The following INO80 variants were observed in gnomAD, a reference collection of about 807,000 sequenced individuals.
INO80 encodes the protein chromatin-remodeling ATPase INO80.
Under a neutral mutation model 203.4 loss-of-function variants are expected in INO80, and 20 were observed. The ratio of observed to expected loss-of-function variants is 0.10; its 90% CI spans 0.07 to 0.14. INO80 has a LOEUF of 0.14. Among genes scored for constraint, INO80 ranks in the 10% least tolerant of loss-of-function variants. INO80 has a pLI of 1.00. For missense variants in INO80, 1,419 were observed against 1,914.4 expected (o/e 0.74, Z 4.83); for synonymous variants, 726 against 685.2 (o/e 1.06, Z -0.93).
chr15:41,080,745 G>T (rs964433568), intron 8 of INO80, among the ~76,000 whole-genome samples: 4 of 152,096 alleles, frequency 2.6e-5, no homozygotes, highest in Non-Finnish European at 4.4e-5. Flanking sequence ...CCAGCTACTC[G>T]GGAGGCTGAG....
intron 17 of INO80, 136 bp downstream of exon 17, chr15:41,056,486 G>A: frequency 1.5e-6 from 1 of 660,912 alleles, no homozygotes; most frequent in Admixed American, 2.6e-5. Flanking sequence ...AGACGACTTG[G>A]GGCAAGTCTT....
At chr15:41,089,982 T>C (rs983125818) in intron 5 of INO80, among the ~76,000 whole-genome samples, 7 of 152,194 alleles carry the variant, frequency 4.6e-5, no homozygotes, top group African/African-American at 1.7e-4. Context: ...GTTAAGTATA[T>C]AATGAAGAGA....
intron 19 of INO80, among the ~76,000 whole-genome samples, chr15:41,052,563 C>G (rs928450997): frequency 6.6e-6 from 1 of 150,646 alleles, no homozygotes; most frequent in Non-Finnish European, 1.5e-5. Context: ...GACCCAGCTA[C>G]TAGGGAAGCT....
At chr15:41,009,078 C>T (rs531271532) in intron 27 of INO80, among the ~76,000 whole-genome samples, 118 of 152,304 alleles carry the variant, frequency 7.7e-4, no homozygotes, top group African/African-American at 2.8e-3. Context: ...GTGATACATG[C>T]GCCTTGGCTT....
At chr15:41,006,921 C>T (rs1414858127) in intron 27 of INO80, among the ~76,000 whole-genome samples, 3 of 152,022 alleles carry the variant, frequency 2.0e-5, no homozygotes, top group African/African-American at 7.3e-5. Context: ...ATTGCTATAT[C>T]GTAGGACTGA....
intron 27 of INO80, among the ~76,000 whole-genome samples, chr15:41,007,779 AC>A (rs1179201342): frequency 7.9e-5 from 12 of 151,030 alleles, no homozygotes; most frequent in East Asian, 1.9e-4. Context: ...AAAAAAAAAA[AC>A]AAGAAAATGG....
chr15:41,047,605 T>C, intron 22 of INO80, 104 bp from the exon 23 acceptor site: 1 of 746,274 alleles, frequency 1.3e-6, no homozygotes, highest in South Asian at 1.8e-5. Context: ...AAAAACACTA[T>C]TCTAAAGGTT....
chr15:41,023,517 C>T (rs1322090919), intron 25 of INO80, among the ~76,000 whole-genome samples: 1 of 151,900 alleles, frequency 6.6e-6, no homozygotes, highest in Non-Finnish European at 1.5e-5. Flanking sequence ...ACCTGTAATC[C>T]CAGCAGTTTG....
rs572639890 is a variant in INO80 at position 41,017,263 on chromosome 15, C to T, written c.3275-1048G>A. Reference sequence around the variant, plus strand: ...TTATCCAGTTAGTATCATTTAACTCCTATCATATTCAGGAAGTAGAGTTTC... The same window carrying T: ...TTATCCAGTTAGTATCATTTAACTCTTATCATATTCAGGAAGTAGAGTTTC... On this transcript the variant is annotated intron_variant, in intron 26 of 35. Transcript: ENST00000648947. 4.6e-5 allele frequency: 7 copies of T among 152,254 alleles called. No individual in the cohort carries two copies. The South Asian group carries it at 6.2e-4, about 14-fold the overall frequency. The allele number at this position is 152,254 out of a possible 1,614,324, so 9.4% of individuals were successfully genotyped here.
At chr15:41,096,557 A>G (rs1163981969) in intron 1 of INO80, among the ~76,000 whole-genome samples, 1 of 152,226 alleles carries the variant, frequency 6.6e-6, no homozygotes, top group Non-Finnish European at 1.5e-5. Flanking sequence ...GATATAAAGA[A>G]TATAAAAATA....
At chr15:41,025,776 A>C (rs1226359533) in intron 25 of INO80, among the ~76,000 whole-genome samples, 2 of 152,184 alleles carry the variant, frequency 1.3e-5, no homozygotes, top group Admixed American at 1.3e-4. Context: ...GGAGAAGTTA[A>C]AAAGACTTGA....
chr15:41,064,386 T>C (rs2045171867), intron 14 of INO80, among the ~76,000 whole-genome samples: 1 of 152,222 alleles, frequency 6.6e-6, no homozygotes, highest in Non-Finnish European at 1.5e-5. Flanking sequence ...TTACACTTTT[T>C]ATTTTTTAAA....
intron 24 of INO80, among the ~76,000 whole-genome samples, chr15:41,043,468 A>G (rs1566925146): frequency 1.3e-5 from 2 of 152,172 alleles, no homozygotes; most frequent in Non-Finnish European, 2.9e-5. Flanking sequence ...ATTAATTTGC[A>G]TTACTGATTC....
At chr15:41,071,765 CT>C in intron 12 of INO80, 83 bp downstream of exon 12, 14 of 1,288,850 alleles carry the variant, frequency 1.1e-5, no homozygotes, top group Non-Finnish European at 1.6e-5. Context: ...TCAGCCAGAT[CT>C]TGTACTCATT....
chr15:41,050,628 C>A (rs1306852482), intron 19 of INO80, among the ~76,000 whole-genome samples: 1 of 152,162 alleles, frequency 6.6e-6, no homozygotes, highest in East Asian at 1.9e-4. Context: ...AAATCTACCA[C>A]CTTTTCTAAC....
chr15:41,100,079 TTTC>T (rs900409016), intron 1 of INO80, among the ~76,000 whole-genome samples: 1 of 152,096 alleles, frequency 6.6e-6, no homozygotes, highest in Non-Finnish European at 1.5e-5. Context: ...AATGGAATAT[TTTC>T]TTTTCTTTTT....
rs757971125 is a variant in INO80 at position 41,079,864 on chromosome 15, A to G, written c.968T>C (p.Leu323Ser). 3.1e-6 allele frequency: 5 copies of G among 1,614,024 alleles called. No individual in the cohort carries two copies. Among genetic ancestry groups the G allele is most frequent in the Non-Finnish European group, 3.4e-6 (4 of 1,180,036 alleles). Reference protein sequence around the residue: ...QCMKEVRRAALQAQKNCKETL... With the variant: ...QCMKEVRRAASQAQKNCKETL... ...TTCCTTACAGTTCTTCTGGGCCTGC[A>G]AGGCAGCTCGACGCACCTCCTTCAT... The change falls in exon 9 of 36, where the codon TTG becomes TCG. Residue 323 changes from leucine (L) to serine (S), a missense_variant. Leu to Ser is a moderately radical substitution (Grantham distance 145). Around this residue, in one of 9 missense-constraint regions of INO80, gnomAD observed 87 missense variants for 150.5 expected, o/e 0.58. Coordinates refer to ENST00000648947, the MANE Select transcript of INO80 (RefSeq NM_017553.3).
At chr15:41,032,702 C>T (rs2140492961) in intron 24 of INO80, among the ~76,000 whole-genome samples, 1 of 152,142 alleles carries the variant, frequency 6.6e-6, no homozygotes, top group African/African-American at 2.4e-5. Flanking sequence ...CTGAAATGCC[C>T]CCGATTTTTA....
intron 21 of INO80, among the ~76,000 whole-genome samples, chr15:41,048,685 T>C (rs2044810951): frequency 6.6e-6 from 1 of 152,218 alleles, no homozygotes; most frequent in Admixed American, 6.5e-5. Context: ...TAAATATTGG[T>C]GATGAGTTTC....
Sources: gnomAD v4.1 joint callset for allele counts (sites outside exome capture counted in the v4.1 genomes callset) on GRCh38, gnomAD v4.1.1 for gene constraint, gnomAD v4.1.1 regional missense constraint, MANE v1.5 for transcripts, NCBI Gene and HGNC (gene_info 2026-07-23, HGNC 2026-07-21) for gene names.